Variants in GALC observed in about 807,000 individuals in gnomAD.
GALC encodes galactosylceramidase.
In GALC, 77 loss-of-function variants were observed where a neutral mutation model predicts 91.8. The ratio of observed to expected loss-of-function variants is 0.84; its 90% CI spans 0.70 to 1.01. The LOEUF (loss-of-function observed/expected upper bound fraction) is 1.01, where lower values mean the gene tolerates loss of function less well. Among genes scored for constraint, GALC ranks in the 50% least tolerant of loss-of-function variants. The pLI is 0.00. For synonymous variants in GALC, 357 were observed against 306.7 expected (o/e 1.16, Z -1.71); for missense variants, 882 against 855.9 (o/e 1.03, Z -0.38).
intron 10 of GALC, among the ~76,000 whole-genome samples, chr14:87,957,708 A>G (rs1296470227): frequency 6.6e-6 from 1 of 152,214 alleles, no homozygotes; most frequent in Non-Finnish European, 1.5e-5. Context: ...CAGCACTGCT[A>G]TATACCAATA....
chr14:87,968,104 T>C (rs1034352097), intron 8 of GALC, among the ~76,000 whole-genome samples: 1 of 152,166 alleles, frequency 6.6e-6, no homozygotes, highest in Non-Finnish European at 1.5e-5. Context: ...TGTATTTTGC[T>C]ACATATAAAT....
chr14:87,945,017 T>G (rs1220686228), intron 14 of GALC, among the ~76,000 whole-genome samples: 1 of 152,030 alleles, frequency 6.6e-6, no homozygotes, highest in Non-Finnish European at 1.5e-5. Flanking sequence ...CATTATATTT[T>G]ATGTGAATAA....
At chr14:87,954,147 C>T (rs1365084709) in intron 10 of GALC, 6 of 1,605,218 alleles carry the variant, frequency 3.7e-6, no homozygotes, top group Non-Finnish European at 4.3e-6. Flanking sequence ...TGATGTTGTA[C>T]TTCAAGACCT....
At chr14:87,969,423 T>C (rs1339082975) in intron 7 of GALC, among the ~76,000 whole-genome samples, 1 of 152,172 alleles carries the variant, frequency 6.6e-6, no homozygotes, top group African/African-American at 2.4e-5. Flanking sequence ...TAAATGCATA[T>C]TCATTACTGC....
intron 16 of GALC, among the ~76,000 whole-genome samples, chr14:87,938,726 T>C (rs997199206): frequency 6.6e-6 from 1 of 151,916 alleles, no homozygotes; most frequent in Non-Finnish European, 1.5e-5. Context: ...GTTCCTAACC[T>C]TGAGAAACAA....
chr14:87,993,098 A>C lies in GALC; in HGVS notation c.67T>G (p.Ser23Ala), dbSNP rs1887294495. Residue 23 changes from serine (S) to alanine (A), a missense_variant, in exon 1 of 17, where the codon TCG (serine) becomes GCG (alanine). Ser to Ala is a moderately conservative substitution (Grantham distance 99). Transcript: ENST00000261304. Reference sequence around the variant, plus strand: ...AAGGGCACCGCGGCGCGGCCCGCCGAACCCGCGGCCGCAGTCATAGCTTTC... The same window carrying C: ...AAGGGCACCGCGGCGCGGCCCGCCGCACCCGCGGCCGCAGTCATAGCTTTC... ...RAKAMTAAAGSAGRAAVPLLL... is the reference protein window; with the variant it reads ...RAKAMTAAAGAAGRAAVPLLL... The C allele has an allele frequency of 6.3e-7, 1 of 1,587,128 alleles. No individual in the cohort carries two copies. The highest frequency in any genetic ancestry group is 1.1e-5 in the South Asian group (1 of 87,722).
chr14:87,945,484 C>T, intron 14 of GALC, 69 bp downstream of exon 14: 2 of 1,192,986 alleles, frequency 1.7e-6, no homozygotes, highest in East Asian at 2.3e-5. Flanking sequence ...AAACTCTTCA[C>T]TTCAAAATGT....
chr14:87,981,236 C>T (rs1270337840), intron 6 of GALC: 2 of 152,236 alleles, frequency 1.3e-5, no homozygotes, highest in East Asian at 3.9e-4. Flanking sequence ...TGTTCTCACT[C>T]ATAAGTGGGA....
intron 8 of GALC, among the ~76,000 whole-genome samples, chr14:87,967,045 A>G (rs1489289263): frequency 1.3e-5 from 2 of 152,234 alleles, no homozygotes; most frequent in Admixed American, 6.5e-5. Context: ...AGGAGAAGGT[A>G]TAACAACGAG....
intron 6 of GALC, chr14:87,981,517 T>C (rs950495304): frequency 6.1e-6 from 1 of 164,900 alleles, no homozygotes; most frequent in Admixed American, 6.5e-5. Flanking sequence ...CCCAAAATTA[T>C]ATTTCTTAGA....
At chr14:87,980,826 C>T (rs1370786185) in intron 6 of GALC, among the ~76,000 whole-genome samples, 7 of 152,166 alleles carry the variant, frequency 4.6e-5, no homozygotes, top group African/African-American at 1.7e-4. Flanking sequence ...ACACACAATG[C>T]CTGACAAACC....
Position 87,941,545 on chromosome 14 carries a change from T to C in GALC, c.1684A>G (p.Ile562Val), listed in dbSNP as rs987367229. ...GTCTCTATGTATACATCACACTTTA[T>C]AGTCAGATTGGTCCTGCAAAATAAA... Reference protein sequence around the residue: ...IGDYNWTNLTIKCDVYIETPD... With the variant: ...IGDYNWTNLTVKCDVYIETPD... Residue 562 changes from isoleucine to valine, a missense_variant, in exon 15 of 17, where the codon ATA (isoleucine) becomes GTA (valine). Ile to Val is a conservative substitution (Grantham distance 29). Coordinates refer to ENST00000261304, the MANE Select transcript of GALC (RefSeq NM_000153.4). 4.4e-6 allele frequency: 7 copies of C among 1,574,944 alleles called. No individual in the cohort carries two copies. Among genetic ancestry groups the C allele is most frequent in the Middle Eastern group, 1.7e-4 (1 of 6,010 alleles).
chr14:87,945,928 G>A (rs918774222), intron 13 of GALC, among the ~76,000 whole-genome samples, 195 bp from the exon 14 acceptor site: 2 of 152,048 alleles, frequency 1.3e-5, no homozygotes, highest in African/African-American at 4.8e-5. Context: ...TCAAGATGAT[G>A]AGTTCGACAT....
At chr14:87,955,742 G>A (rs779679061) in intron 10 of GALC, among the ~76,000 whole-genome samples, 5 of 152,050 alleles carry the variant, frequency 3.3e-5, no homozygotes, top group African/African-American at 9.7e-5. Flanking sequence ...TTATTAAAGC[G>A]GGGAAGAGCG....
chr14:87,965,710 T>A (rs942048268), intron 8 of GALC, 81 bp from the exon 9 acceptor site: 1 of 1,349,776 alleles, frequency 7.4e-7, no homozygotes, highest in Non-Finnish European at 1.1e-6. Flanking sequence ...GTAAAAAGAC[T>A]TTATCATAGT....
At chr14:87,973,620 G>A (rs1209918892) in intron 7 of GALC, among the ~76,000 whole-genome samples, 1 of 152,156 alleles carries the variant, frequency 6.6e-6, no homozygotes, top group Non-Finnish European at 1.5e-5. Flanking sequence ...AAGGGAGGAA[G>A]AAGTTATCAA....
At chr14:87,951,971 G>A (rs1379414207) in intron 10 of GALC, among the ~76,000 whole-genome samples, 1 of 151,734 alleles carries the variant, frequency 6.6e-6, no homozygotes, top group Non-Finnish European at 1.5e-5. Context: ...AATGTATACT[G>A]CTCGGGGATG....
At position 87,934,782 on chromosome 14, in the gene GALC, A is replaced by G; in HGVS notation, c.2008T>C (p.Ser670Pro). ...KNGWAAIGTH[S>P]FEFAQFDNFL... ...TTGTCAAACTGTGCAAATTCAAAGGAGTGAGTTCCAATTGCAGCCCAGCCA... is the reference window on the plus strand; with the variant it reads ...TTGTCAAACTGTGCAAATTCAAAGGGGTGAGTTCCAATTGCAGCCCAGCCA... Residue 670 changes from serine to proline, a missense_variant, in exon 17 of 17, where the codon TCC (serine) becomes CCC (proline). Physicochemically the swap from Ser to Pro is moderately conservative, Grantham distance 74. Transcript: ENST00000261304. 1 of 1,613,122 alleles carries G rather than the reference A, an allele frequency of 6.2e-7. No homozygotes were observed. The highest frequency in any genetic ancestry group is 8.5e-7 in the Non-Finnish European group (1 of 1,179,350).
Sources: allele counts gnomAD v4.1 joint callset (sites outside exome capture counted in the v4.1 genomes callset), GRCh38; gene constraint gnomAD v4.1.1; transcripts MANE v1.5; gene names NCBI Gene and HGNC (gene_info 2026-07-23, HGNC 2026-07-21).